Variants in RBFOX1 observed in about 807,000 individuals in gnomAD.
The protein encoded by RBFOX1 is RNA binding fox-1 homolog 1.
RBFOX1 carries 8 observed loss-of-function variants against 57.7 expected under a neutral mutation model. The observed-to-expected ratio is 0.14, with a 90% CI of 0.08 to 0.25. RBFOX1 has a LOEUF of 0.25. Ranked by LOEUF, RBFOX1 falls within the 10% of genes least tolerant of loss-of-function variation. The pLI is 1.00. For missense variants in RBFOX1, 611 were observed against 548.5 expected (o/e 1.11, Z -1.14); for synonymous variants, 326 against 222.4 (o/e 1.47, Z -4.15).
chr16:7,541,462 G>GGT (rs5815408), intron 5 of RBFOX1, among the ~76,000 whole-genome samples: 12,298 of 148,060 alleles, frequency 0.083, 649 homozygotes, highest in African/African-American at 0.16. Flanking sequence ...TTTTTATCAG[G>GGT]TTTTTTTTTT....
intron 4 of RBFOX1, among the ~76,000 whole-genome samples, chr16:7,099,370 G>T (rs1424072435): frequency 6.6e-6 from 1 of 152,104 alleles, no homozygotes; most frequent in African/African-American, 2.4e-5. Context: ...TTTCTTGGGT[G>T]TTTTATTTAA....
At chr16:7,590,731 T>C (rs1034702901) in intron 7 of RBFOX1, among the ~76,000 whole-genome samples, 11 of 151,522 alleles carry the variant, frequency 7.3e-5, no homozygotes, top group Non-Finnish European at 1.3e-4. Flanking sequence ...TGGTGGTGCA[T>C]GCCTGTAATC....
intron 3 of RBFOX1, among the ~76,000 whole-genome samples, chr16:6,926,653 G>C (rs897915953): frequency 6.6e-6 from 1 of 152,110 alleles, no homozygotes; most frequent in Non-Finnish European, 1.5e-5. Flanking sequence ...AGCTTTGCGG[G>C]CTGAGTAAAC....
intron 1 of RBFOX1, among the ~76,000 whole-genome samples, chr16:6,250,603 C>A (rs932189411): frequency 6.6e-6 from 1 of 152,088 alleles, no homozygotes; most frequent in African/African-American, 2.4e-5. Flanking sequence ...AAACCCAGGC[C>A]TCTTTTATGC....
At chr16:5,891,603 G>A (rs984372614) in intron 4 of RBFOX1, among the ~76,000 whole-genome samples, 1 of 152,244 alleles carries the variant, frequency 6.6e-6, no homozygotes, top group East Asian at 1.9e-4. Context: ...GTTCCTTCTA[G>A]TCTACAGCTG....
At chr16:5,856,780 G>C (rs1051692138) in intron 3 of RBFOX1, among the ~76,000 whole-genome samples, 8 of 151,318 alleles carry the variant, frequency 5.3e-5, no homozygotes, top group African/African-American at 1.2e-4. Flanking sequence ...GAATTGAAGA[G>C]AGTTAGGGTC....
At chr16:5,894,837 C>T (rs1033797434) in intron 4 of RBFOX1, among the ~76,000 whole-genome samples, 2 of 151,936 alleles carry the variant, frequency 1.3e-5, no homozygotes, top group Non-Finnish European at 2.9e-5. Flanking sequence ...TTGGCTAACA[C>T]GGTGAAACCC....
At chr16:5,371,191 G>A (rs759794895) in intron 1 of RBFOX1, among the ~76,000 whole-genome samples, 2 of 151,448 alleles carry the variant, frequency 1.3e-5, no homozygotes, top group Non-Finnish European at 2.9e-5. Flanking sequence ...CAGGTGATCC[G>A]CCCACCTTGG....
chr16:5,656,761 G>C (rs919034689), intron 3 of RBFOX1, among the ~76,000 whole-genome samples: 1 of 152,082 alleles, frequency 6.6e-6, no homozygotes, highest in Non-Finnish European at 1.5e-5. Flanking sequence ...AGTATTCCAT[G>C]GTGTATATAT....
At chr16:5,979,420 A>G (rs1318817622) in intron 4 of RBFOX1, among the ~76,000 whole-genome samples, 1 of 152,238 alleles carries the variant, frequency 6.6e-6, no homozygotes, top group Non-Finnish European at 1.5e-5. Context: ...GAGAGGAAAC[A>G]TTCATTCAAT....
chr16:6,579,028 C>A (rs577524212), intron 2 of RBFOX1, among the ~76,000 whole-genome samples: 123 of 152,022 alleles, frequency 8.1e-4, no homozygotes, highest in African/African-American at 2.9e-3. Flanking sequence ...CCTGTTTTCC[C>A]AAAACCTATG....
intron 4 of RBFOX1, among the ~76,000 whole-genome samples, chr16:7,290,457 G>C (rs919199571): frequency 6.6e-6 from 1 of 152,174 alleles, no homozygotes; most frequent in Non-Finnish European, 1.5e-5. Context: ...TTTCGTAGTT[G>C]AGCACTGTAT....
At chr16:6,261,959 A>G (rs12924375) in intron 1 of RBFOX1, among the ~76,000 whole-genome samples, 137,564 of 152,138 alleles carry the variant, frequency 0.9, 62,543 homozygotes, top group East Asian at 1. Flanking sequence ...GAACCCAGAG[A>G]CAAAGGATGC....
At chr16:6,270,476 C>T (rs1414249008) in intron 1 of RBFOX1, among the ~76,000 whole-genome samples, 1 of 123,518 alleles carries the variant, frequency 8.1e-6, no homozygotes, top group Admixed American at 7.8e-5. Flanking sequence ...AAAAAAAAAA[C>T]AACTAGAAAT....
At chr16:5,649,587 C>G (rs1476218357) in intron 3 of RBFOX1, among the ~76,000 whole-genome samples, 1 of 152,244 alleles carries the variant, frequency 6.6e-6, no homozygotes. Flanking sequence ...ATCCCATCGT[C>G]TCCCTCTCTC....
chr16:6,773,610 T>A, intron 3 of RBFOX1, among the ~76,000 whole-genome samples: 1 of 137,210 alleles, frequency 7.3e-6, no homozygotes, highest in African/African-American at 2.8e-5. Flanking sequence ...TGTATGTGCA[T>A]GTGTGGGCAT....
intron 3 of RBFOX1, among the ~76,000 whole-genome samples, chr16:6,954,177 C>A (rs2081308046): frequency 6.6e-6 from 1 of 151,992 alleles, no homozygotes; most frequent in African/African-American, 2.4e-5. Context: ...ATTTTGATGT[C>A]AAAAAGTTAC....
At chr16:7,241,937 A>T (rs1184259366) in intron 4 of RBFOX1, among the ~76,000 whole-genome samples, 1 of 152,174 alleles carries the variant, frequency 6.6e-6, no homozygotes, top group East Asian at 1.9e-4. Context: ...CTAAATATGT[A>T]TATCTGCATA....
At chr16:6,929,958 A>T (rs2076235320) in intron 3 of RBFOX1, among the ~76,000 whole-genome samples, 1 of 152,194 alleles carries the variant, frequency 6.6e-6, no homozygotes, top group South Asian at 2.1e-4. Flanking sequence ...GTTCGTCAGG[A>T]ATCAGAATGA....
Sources: allele counts gnomAD v4.1 joint callset (sites outside exome capture counted in the v4.1 genomes callset), GRCh38; gene constraint gnomAD v4.1.1; transcripts MANE v1.5; gene names NCBI Gene and HGNC (gene_info 2026-07-23, HGNC 2026-07-21).